The following MDGA2 variants were observed in gnomAD, a reference collection of about 807,000 sequenced individuals.
MDGA2 encodes MAM domain-containing glycosylphosphatidylinositol anchor protein 2.
In MDGA2, 40 loss-of-function variants were observed where a neutral mutation model predicts 117.8. The ratio of observed to expected loss-of-function variants is 0.34; its 90% CI spans 0.26 to 0.44. MDGA2 has a LOEUF of 0.44. Among genes scored for constraint, MDGA2 ranks in the 20% least tolerant of loss-of-function variants. MDGA2 has a pLI of 1.00. For missense variants in MDGA2, 1,123 were observed against 1,250.6 expected (o/e 0.90, Z 1.54); for synonymous variants, 452 against 439.0 (o/e 1.03, Z -0.37).
intron 1 of MDGA2, among the ~76,000 whole-genome samples, chr14:47,405,468 T>C (rs1016810152): frequency 1.3e-5 from 2 of 152,196 alleles, no homozygotes; most frequent in Non-Finnish European, 2.9e-5. Context: ...AACATATCTT[T>C]TATGTTTTGC....
At chr14:46,900,803 C>A (rs3007107) in intron 10 of MDGA2, among the ~76,000 whole-genome samples, 60,806 of 151,742 alleles carry the variant, frequency 0.4, 13,436 homozygotes, top group East Asian at 0.63. Context: ...AACACAGATA[C>A]ACAAACAAAT....
chr14:46,938,125 T>G (rs1029468302), intron 9 of MDGA2, among the ~76,000 whole-genome samples: 3 of 152,094 alleles, frequency 2.0e-5, no homozygotes, highest in African/African-American at 7.2e-5. Context: ...ATCTAATTTT[T>G]TAAATGGGCT....
intron 1 of MDGA2, among the ~76,000 whole-genome samples, chr14:47,561,907 G>T (rs1275075780): frequency 1.3e-5 from 2 of 152,080 alleles, no homozygotes; most frequent in East Asian, 3.9e-4. Context: ...TTCCTTCAAT[G>T]CCTAGTTTGT....
intron 5 of MDGA2, among the ~76,000 whole-genome samples, chr14:47,098,832 C>T (rs1190844838): frequency 6.6e-6 from 1 of 151,840 alleles, no homozygotes; most frequent in East Asian, 1.9e-4. Flanking sequence ...ATGGACATAC[C>T]CAATGGTGAC....
intron 1 of MDGA2, among the ~76,000 whole-genome samples, chr14:47,399,630 G>C (rs1327370549): frequency 6.6e-6 from 1 of 151,152 alleles, no homozygotes; most frequent in Non-Finnish European, 1.5e-5. Context: ...ATAGCTGCTA[G>C]AGCAGACTGA....
intron 1 of MDGA2, among the ~76,000 whole-genome samples, chr14:47,434,001 A>G (rs978726474): frequency 2.0e-5 from 3 of 152,110 alleles, no homozygotes; most frequent in Non-Finnish European, 2.9e-5. Flanking sequence ...TTAATTTTAA[A>G]CCATTGCTAA....
intron 3 of MDGA2, among the ~76,000 whole-genome samples, chr14:47,157,810 G>C (rs1289925024): frequency 6.6e-6 from 1 of 151,938 alleles, no homozygotes; most frequent in Non-Finnish European, 1.5e-5. Context: ...GGTTTTATAA[G>C]GGCTCCCCCC....
At position 47,146,136 on chromosome 14, in the gene MDGA2, GC is replaced by G. The variant is rs555715465; in HGVS notation, c.596-1863del. ...CTCTGATGTGTTAACATAATAAAAT[GC>G]CAACCAAAGTAGTGAAGTAATAGCT... is the stretch of plus-strand genomic sequence containing the variant. On this transcript the variant is annotated intron_variant, in intron 3 of 16. Transcript: ENST00000399232. Among the ~76,000 whole-genome samples the G allele has an allele frequency of 1.8e-4, 27 of 152,242 alleles. 1 individual carries two copies. The South Asian group carries it at 5.4e-3, about 30-fold the overall frequency.
chr14:47,448,289 C>T (rs1159406370), intron 1 of MDGA2, among the ~76,000 whole-genome samples: 2 of 151,960 alleles, frequency 1.3e-5, no homozygotes, highest in Non-Finnish European at 1.5e-5. Context: ...CAAGCATGTG[C>T]TGCCATGCTC....
intron 7 of MDGA2, among the ~76,000 whole-genome samples, chr14:47,052,368 T>C (rs1275336045): frequency 6.6e-6 from 1 of 151,866 alleles, no homozygotes; most frequent in African/African-American, 2.4e-5. Context: ...GGGACAGTAA[T>C]TAGACAAAAG....
chr14:47,546,254 A>C (rs1014437906), intron 1 of MDGA2, among the ~76,000 whole-genome samples: 3 of 152,164 alleles, frequency 2.0e-5, no homozygotes, highest in Non-Finnish European at 2.9e-5. Context: ...TAGTAAGGAT[A>C]GGAAATAGAG....
chr14:47,155,674 C>T (rs548595629), intron 3 of MDGA2, among the ~76,000 whole-genome samples: 5 of 152,042 alleles, frequency 3.3e-5, no homozygotes, highest in Non-Finnish European at 7.4e-5. Context: ...ATGGCTGGCT[C>T]ACCCTTGACA....
At chr14:47,116,411 T>A (rs1259004896) in intron 5 of MDGA2, among the ~76,000 whole-genome samples, 1 of 151,890 alleles carries the variant, frequency 6.6e-6, no homozygotes, top group Non-Finnish European at 1.5e-5. Context: ...AGAAAAAAAA[T>A]TCTAAAATTC....
intron 1 of MDGA2, among the ~76,000 whole-genome samples, chr14:47,609,911 C>T (rs1247798375): frequency 6.6e-6 from 1 of 151,844 alleles, no homozygotes; most frequent in Non-Finnish European, 1.5e-5. Flanking sequence ...AAGGATACAA[C>T]CAAAAAAGAA....
chr14:47,063,322 A>G (rs1889960644), intron 6 of MDGA2, among the ~76,000 whole-genome samples: 1 of 152,036 alleles, frequency 6.6e-6, no homozygotes, highest in Non-Finnish European at 1.5e-5. Context: ...CAACTTATGA[A>G]TCTTATTTAC....
At chr14:46,964,919 C>CTTTTTTTT (rs746778179) in intron 8 of MDGA2, among the ~76,000 whole-genome samples, 3,484 of 89,640 alleles carry the variant, frequency 0.039, 398 homozygotes, top group Non-Finnish European at 0.054. Flanking sequence ...TATATATTTA[C>CTTTTTTTT]TTTTTTTTTT....
chr14:47,410,024 A>AT (rs1315807934), intron 1 of MDGA2, among the ~76,000 whole-genome samples: 7 of 152,174 alleles, frequency 4.6e-5, no homozygotes, highest in Non-Finnish European at 7.4e-5. Context: ...TATGAGATTC[A>AT]TTTTTGTTTT....
At chr14:46,866,765 T>A (rs1412303367) in intron 14 of MDGA2, among the ~76,000 whole-genome samples, 11 of 151,704 alleles carry the variant, frequency 7.3e-5, no homozygotes, top group Non-Finnish European at 1.6e-4. Context: ...AGAAGACATT[T>A]ATGCAGCCAA....
At chr14:47,456,400 C>G (rs1465674418) in intron 1 of MDGA2, among the ~76,000 whole-genome samples, 1 of 149,484 alleles carries the variant, frequency 6.7e-6, no homozygotes, top group Non-Finnish European at 1.5e-5. Flanking sequence ...TCAAGTGATT[C>G]TCCTGCCTCA....
Sources: allele counts gnomAD v4.1 joint callset (sites outside exome capture counted in the v4.1 genomes callset), GRCh38; gene constraint gnomAD v4.1.1; transcripts MANE v1.5; gene names NCBI Gene and HGNC (gene_info 2026-07-23, HGNC 2026-07-21).